ERC2: variants seen among roughly 807,000 people sequenced by gnomAD.
ERC2 encodes ELKS/RAB6-interacting/CAST family member 2, also known as ERC protein 2.
ERC2 carries 42 observed loss-of-function variants against 114.8 expected under a neutral mutation model. That is an observed-to-expected ratio of 0.37 (90% confidence interval 0.29 to 0.47). ERC2 has a LOEUF of 0.47. Ranked by LOEUF, ERC2 falls within the 20% of genes least tolerant of loss-of-function variation. ERC2 has a pLI of 0.99. For missense variants in ERC2, 939 were observed against 1,150.7 expected, an observed-to-expected ratio of 0.82 and a Z score of 2.66; for synonymous variants, 454 against 425.5, an observed-to-expected ratio of 1.07 and a Z score of -0.82.
At chr3:56,358,442 AG>A (rs1212214757) in intron 2 of ERC2, among the ~76,000 whole-genome samples, 1 of 152,212 alleles carries the variant, frequency 6.6e-6, no homozygotes, top group Non-Finnish European at 1.5e-5. Context: ...ATGCCTACAG[AG>A]GTGGTCTTCT....
chr3:55,657,144 C>T (rs1467354474), intron 17 of ERC2: 1 of 152,190 alleles, frequency 6.6e-6, no homozygotes, highest in Non-Finnish European at 1.5e-5. Context: ...TCCTCTTTCA[C>T]TCCCCCGCTT....
intron 14 of ERC2, among the ~76,000 whole-genome samples, chr3:55,818,850 C>T (rs570554943): frequency 6.6e-6 from 1 of 152,212 alleles, no homozygotes; most frequent in African/African-American, 2.4e-5. Flanking sequence ...AGAAGGAATA[C>T]GTTTAATATT....
chr3:55,736,701 CTT>C (rs2065657466), intron 14 of ERC2, among the ~76,000 whole-genome samples: 1 of 152,106 alleles, frequency 6.6e-6, no homozygotes, highest in Non-Finnish European at 1.5e-5. Flanking sequence ...TTTTTACAGA[CTT>C]TTAAAGATAT....
At chr3:56,039,060 A>G (rs998216268) in intron 7 of ERC2, among the ~76,000 whole-genome samples, 4 of 152,114 alleles carry the variant, frequency 2.6e-5, no homozygotes, top group Non-Finnish European at 4.4e-5. Context: ...GACAGCATCT[A>G]TTATGTACTT....
At chr3:55,668,157 C>T (rs925345112) in intron 17 of ERC2, among the ~76,000 whole-genome samples, 6 of 151,828 alleles carry the variant, frequency 4.0e-5, no homozygotes, top group African/African-American at 1.5e-4. Context: ...ATTTGATTTC[C>T]CAACCATGAG....
At chr3:55,790,946 C>A (rs992959841) in intron 14 of ERC2, among the ~76,000 whole-genome samples, 4 of 152,244 alleles carry the variant, frequency 2.6e-5, no homozygotes, top group African/African-American at 9.6e-5. Flanking sequence ...AAGGTGGAAT[C>A]CTCCATTCCT....
In ERC2 at chr3:56,134,924, T is replaced by TTTTTTTG. The variant is rs1040312245; in HGVS notation, c.1473+4584_1473+4585insCAAAAAA. Among the ~76,000 whole-genome samples the TTTTTTTG allele has an allele frequency of 3.2e-3, 471 of 149,118 alleles. 1 individual carries two copies. The highest frequency in any genetic ancestry group is 4.2e-3 in the South Asian group (20 of 4,748). On this transcript the variant is annotated intron_variant, in intron 6 of 17. Coordinates refer to ENST00000288221, the MANE Select transcript of ERC2 (RefSeq NM_015576.3). ...TAAATCTCTCTCTTTTTTTTTGTTT[T>TTTTTTTG]TTTTTGTTTTTGTTTTTGTTTTTGT...
intron 15 of ERC2, among the ~76,000 whole-genome samples, chr3:55,723,230 G>T (rs1383893483): frequency 1.3e-5 from 2 of 152,162 alleles, no homozygotes; most frequent in African/African-American, 2.4e-5. Context: ...TCATGTCTTT[G>T]TTCAAATATA....
rs546462735 is a variant in ERC2 at position 55,871,838 on chromosome 3, C to A, written c.2564+16551G>T. Among the ~76,000 whole-genome samples the A allele has an allele frequency of 2.6e-5, 4 of 152,174 alleles. No homozygotes were observed. In the East Asian group the frequency reaches 7.7e-4, roughly 29 times the overall value. On this transcript the variant is annotated intron_variant, in intron 14 of 17. Transcript: ENST00000288221. The stretch of plus-strand genomic sequence containing the variant: ...ATTTTTTAAAAAATTAAAATCTAAG[C>A]CTTTCATATTTGGGTGCCAGAGGGT...
chr3:56,305,554 ACT>A (rs1206389794), intron 2 of ERC2, among the ~76,000 whole-genome samples: 1 of 143,004 alleles, frequency 7.0e-6, no homozygotes, highest in Non-Finnish European at 1.5e-5. Context: ...ACACACACAC[ACT>A]ATAATAATCA....
At chr3:56,370,640 G>T (rs1281112987) in intron 2 of ERC2, among the ~76,000 whole-genome samples, 2 of 147,434 alleles carry the variant, frequency 1.4e-5, no homozygotes, top group Non-Finnish European at 3.0e-5. Context: ...TGTCACCCAG[G>T]CTGTAGTGCA....
chr3:56,016,599 T>C (rs1417672225), intron 8 of ERC2, among the ~76,000 whole-genome samples: 1 of 152,196 alleles, frequency 6.6e-6, no homozygotes, highest in East Asian at 1.9e-4. Context: ...GGTTCTGATT[T>C]GGTAGGTATA....
intron 17 of ERC2, among the ~76,000 whole-genome samples, chr3:55,611,731 G>T (rs2058916912): frequency 6.6e-6 from 1 of 152,158 alleles, no homozygotes. Flanking sequence ...ACTGCCTAGG[G>T]AGCAACCATG....
chr3:55,534,085 C>T (rs2053839971), intron 17 of ERC2, among the ~76,000 whole-genome samples: 1 of 152,136 alleles, frequency 6.6e-6, no homozygotes, highest in African/African-American at 2.4e-5. Flanking sequence ...AGGAACTCCA[C>T]ACTGGATGGA....
intron 3 of ERC2, among the ~76,000 whole-genome samples, chr3:56,288,496 T>C (rs1215429807): frequency 6.6e-6 from 1 of 152,148 alleles, no homozygotes; most frequent in African/African-American, 2.4e-5. Context: ...CCAGTCTCTG[T>C]TACCGTAAAA....
chr3:56,213,949 T>C (rs2049265104), intron 3 of ERC2, among the ~76,000 whole-genome samples: 1 of 152,198 alleles, frequency 6.6e-6, no homozygotes, highest in Admixed American at 6.5e-5. Flanking sequence ...AGGTCCTGAC[T>C]GCTAGAAGGA....
intron 2 of ERC2, among the ~76,000 whole-genome samples, chr3:56,421,598 G>A (rs138427977): frequency 1.5e-3 from 221 of 152,254 alleles, no homozygotes; most frequent in African/African-American, 5.0e-3. Flanking sequence ...CTTGAGTGCC[G>A]CTTTTTCATA....
intron 17 of ERC2, among the ~76,000 whole-genome samples, chr3:55,619,391 C>T (rs114240277): frequency 6.6e-6 from 1 of 152,150 alleles, no homozygotes. Flanking sequence ...GTCCTTCACA[C>T]CAGGCTTTGT....
chr3:55,587,479 T>C (rs2057661448), intron 17 of ERC2, among the ~76,000 whole-genome samples: 1 of 152,250 alleles, frequency 6.6e-6, no homozygotes, highest in Admixed American at 6.5e-5. Flanking sequence ...TATCAATGAA[T>C]ATTTGTATTG....
Sources: gnomAD v4.1 joint callset for allele counts (sites outside exome capture counted in the v4.1 genomes callset) on GRCh38, gnomAD v4.1.1 for gene constraint, MANE v1.5 for transcripts, NCBI Gene and HGNC (gene_info 2026-07-23, HGNC 2026-07-21) for gene names.